The following TMEM132D variants were observed in gnomAD, a reference collection of about 807,000 sequenced individuals.
TMEM132D encodes the protein mature OL transmembrane protein.
A neutral mutation model predicts 62.3 loss-of-function variants in TMEM132D; 21 were observed. That is an observed-to-expected ratio of 0.34 (90% confidence interval 0.24 to 0.49). TMEM132D has a LOEUF of 0.49. Ranked by LOEUF, TMEM132D falls within the 20% of genes least tolerant of loss-of-function variation. The probability of loss-of-function intolerance (pLI) is 0.99; values close to 1 mark genes in which losing one functional copy is unlikely to be tolerated. For missense variants in TMEM132D, 1,346 were observed against 1,402.8 expected, an observed-to-expected ratio of 0.96 and a Z score of 0.65; for synonymous variants, 621 against 575.6, an observed-to-expected ratio of 1.08 and a Z score of -1.13.
chr12:129,741,440 C>T (rs768669634), intron 1 of TMEM132D, among the ~76,000 whole-genome samples: 3 of 152,178 alleles, frequency 2.0e-5, no homozygotes, highest in Non-Finnish European at 2.9e-5. Flanking sequence ...AAGAAAAATG[C>T]ATTCCTTAAC....
At chr12:129,607,637 T>C (rs1878662097) in intron 2 of TMEM132D, among the ~76,000 whole-genome samples, 2 of 152,224 alleles carry the variant, frequency 1.3e-5, no homozygotes. Context: ...CCAAGCCTTT[T>C]TCTGGTGCAG....
rs76047967 is a variant in TMEM132D, at chr12:129,746,898, C to T, written c.80-46200G>A. On this transcript the variant is annotated intron_variant, in intron 1 of 8. Transcript: ENST00000422113. ...TCTCTCTTCTCTTTGTCTCAGGCTC[C>T]TCGTCCAATTTATCACCCAATCCTA... is the stretch of plus-strand genomic sequence containing the variant. 1.1e-3 allele frequency among the ~76,000 whole-genome samples: 166 copies of T among 152,208 alleles called. No individual in the cohort carries two copies. In the East Asian group the frequency reaches 0.025, roughly 23 times the overall value.
intron 4 of TMEM132D, among the ~76,000 whole-genome samples, chr12:129,302,575 T>C (rs1403046369): frequency 1.3e-5 from 2 of 152,220 alleles, no homozygotes; most frequent in African/African-American, 4.8e-5. Context: ...CAGCTGGGCT[T>C]AGAAGGCAGT....
At chr12:129,408,875 G>C (rs1408445289) in intron 3 of TMEM132D, among the ~76,000 whole-genome samples, 1 of 152,094 alleles carries the variant, frequency 6.6e-6, no homozygotes, top group Non-Finnish European at 1.5e-5. Flanking sequence ...TTTAAGGAGA[G>C]AGACTGGGAC....
intron 1 of TMEM132D, among the ~76,000 whole-genome samples, chr12:129,752,484 T>C (rs7300597): frequency 0.96 from 145,499 of 152,294 alleles, 69,798 homozygotes; most frequent in Middle Eastern, 1. Flanking sequence ...AAGACCTTTA[T>C]GTCCACATGA....
intron 2 of TMEM132D, among the ~76,000 whole-genome samples, chr12:129,628,184 T>C (rs1879269766): frequency 6.6e-6 from 1 of 152,232 alleles, no homozygotes; most frequent in African/African-American, 2.4e-5. Flanking sequence ...TTAACAAGAA[T>C]ATCACATGTG....
At chr12:129,173,952 A>C (rs1378468099) in intron 5 of TMEM132D, among the ~76,000 whole-genome samples, 1 of 152,116 alleles carries the variant, frequency 6.6e-6, no homozygotes, top group Non-Finnish European at 1.5e-5. Flanking sequence ...AAATTGCTCA[A>C]ATTTTGGAGT....
chr12:129,279,536 T>A (rs1192176524), intron 4 of TMEM132D, among the ~76,000 whole-genome samples: 1 of 151,986 alleles, frequency 6.6e-6, no homozygotes, highest in African/African-American at 2.4e-5. Context: ...TAATATTTGA[T>A]TTCCTTAACT....
intron 5 of TMEM132D, among the ~76,000 whole-genome samples, chr12:129,140,839 C>CAAA (rs62841262): frequency 1.3e-3 from 177 of 134,884 alleles, no homozygotes; most frequent in Middle Eastern, 4.1e-3. Flanking sequence ...AACTCTGTCT[C>CAAA]AAAAAAAAAA....
intron 3 of TMEM132D, among the ~76,000 whole-genome samples, chr12:129,361,064 T>C (rs1870234892): frequency 6.6e-6 from 1 of 152,092 alleles, no homozygotes; most frequent in Non-Finnish European, 1.5e-5. Flanking sequence ...TCCCCTTGAG[T>C]CCTCCATATT....
chr12:129,466,938 C>T (rs539056092), intron 3 of TMEM132D, among the ~76,000 whole-genome samples: 1 of 152,292 alleles, frequency 6.6e-6, no homozygotes, highest in South Asian at 2.1e-4. Context: ...TATTGACCTA[C>T]TCTGCACTGC....
chr12:129,424,153 C>A (rs1593374088), intron 3 of TMEM132D, among the ~76,000 whole-genome samples: 1 of 151,424 alleles, frequency 6.6e-6, no homozygotes, highest in Admixed American at 6.6e-5. Flanking sequence ...AGGAGCATCT[C>A]TCTGTATGGA....
At chr12:129,864,729 C>T (rs1317077657) in intron 1 of TMEM132D, among the ~76,000 whole-genome samples, 1 of 152,130 alleles carries the variant, frequency 6.6e-6, no homozygotes, top group Non-Finnish European at 1.5e-5. Flanking sequence ...CCAATAAATC[C>T]CCTTGCCACC....
chr12:129,181,313 C>CCCAGGTGTG (rs1218621770), intron 5 of TMEM132D, among the ~76,000 whole-genome samples: 1 of 152,194 alleles, frequency 6.6e-6, no homozygotes, highest in African/African-American at 2.4e-5. Flanking sequence ...TTCCCCAGGC[C>CCCAGGTGTG]TCTAAAACAC....
At chr12:129,452,900 A>G (rs1310405293) in intron 3 of TMEM132D, among the ~76,000 whole-genome samples, 2 of 152,280 alleles carry the variant, frequency 1.3e-5, no homozygotes, top group East Asian at 3.9e-4. Flanking sequence ...GTATAAATCC[A>G]GACAGGTTGT....
chr12:129,256,038 G>A (rs1177122974), intron 4 of TMEM132D, among the ~76,000 whole-genome samples: 1 of 152,198 alleles, frequency 6.6e-6, no homozygotes, highest in Non-Finnish European at 1.5e-5. Flanking sequence ...AGAGATGGGT[G>A]TGGGTTTCAA....
At chr12:129,590,760 G>C (rs1372704610) in intron 2 of TMEM132D, among the ~76,000 whole-genome samples, 3 of 152,112 alleles carry the variant, frequency 2.0e-5, no homozygotes, top group Admixed American at 1.3e-4. Context: ...TATCATAACT[G>C]TTTTGTCCTC....
At chr12:129,432,246 GTTGC>G (rs1872679320) in intron 3 of TMEM132D, among the ~76,000 whole-genome samples, 2 of 150,542 alleles carry the variant, frequency 1.3e-5, no homozygotes, top group Non-Finnish European at 3.0e-5. Flanking sequence ...TGGATGGATG[GTTGC>G]TTGGATGGAT....
intron 4 of TMEM132D, among the ~76,000 whole-genome samples, chr12:129,307,902 C>A (rs1286918391): frequency 6.6e-6 from 1 of 152,072 alleles, no homozygotes; most frequent in Non-Finnish European, 1.5e-5. Flanking sequence ...CTTGATATCC[C>A]CCACATCCTA....
Sources: gnomAD v4.1 joint callset for allele counts (sites outside exome capture counted in the v4.1 genomes callset) on GRCh38, gnomAD v4.1.1 for gene constraint, MANE v1.5 for transcripts, NCBI Gene and HGNC (gene_info 2026-07-23, HGNC 2026-07-21) for gene names.